The following NRXN1 variants were observed in gnomAD, a reference collection of about 807,000 sequenced individuals.
NRXN1 encodes the protein neurexin-1.
NRXN1 carries 39 observed loss-of-function variants against 150.9 expected under a neutral mutation model. The ratio of observed to expected loss-of-function variants is 0.26; its 90% CI spans 0.20 to 0.34. The LOEUF (loss-of-function observed/expected upper bound fraction) is 0.34. Ranked by LOEUF, NRXN1 falls within the 10% of genes least tolerant of loss-of-function variation. The pLI, the probability that NRXN1 is intolerant of heterozygous loss-of-function variation, is 1.00. For synonymous variants in NRXN1, 924 were observed against 757.0 expected (o/e 1.22, Z -3.62); for missense variants, 1,815 against 1,949.9 (o/e 0.93, Z 1.30).
intron 18 of NRXN1, among the ~76,000 whole-genome samples, chr2:50,183,649 T>A (rs2060882011): frequency 6.6e-6 from 1 of 150,518 alleles, no homozygotes; most frequent in African/African-American, 2.4e-5. Context: ...TCTAAAAGTG[T>A]TTCTGTTTGT....
chr2:50,200,004 T>C (rs573416418), intron 18 of NRXN1, among the ~76,000 whole-genome samples: 2 of 152,286 alleles, frequency 1.3e-5, no homozygotes, highest in African/African-American at 4.8e-5. Flanking sequence ...AGAGATTAGA[T>C]GACAGAGTAA....
intron 5 of NRXN1, among the ~76,000 whole-genome samples, chr2:50,866,840 G>A (rs1677007050): frequency 6.6e-6 from 1 of 151,834 alleles, no homozygotes; most frequent in African/African-American, 2.4e-5. Context: ...CAAAAACTGG[G>A]TTATAATTCA....
At chr2:50,528,704 C>T in intron 11 of NRXN1, 53 bp from the exon 12 acceptor site, 1 of 1,136,408 alleles carries the variant, frequency 8.8e-7, no homozygotes, top group Non-Finnish European at 1.3e-6. Context: ...AAGGTAATAG[C>T]TGCAGACATC....
At chr2:50,580,177 A>G (rs1672040205) in intron 8 of NRXN1, among the ~76,000 whole-genome samples, 1 of 152,218 alleles carries the variant, frequency 6.6e-6, no homozygotes, top group Admixed American at 6.5e-5. Context: ...CATATTTTAA[A>G]AGAAAACAGA....
intron 5 of NRXN1, among the ~76,000 whole-genome samples, chr2:50,689,854 TTGTGTGTGTGTGTGTGTGTG>T (rs796892350): frequency 0.011 from 1,508 of 135,340 alleles, 23 homozygotes; most frequent in African/African-American, 0.038. Flanking sequence ...TTTTGCTTAT[TTGTGTGTGTGTGTGTGTGTG>T]TGTGTGTGTG....
rs558843723 is a variant in NRXN1 at position 50,095,830 on chromosome 2, A to C, written c.3547-4336T>G. Among the ~76,000 whole-genome samples the C allele has an allele frequency of 1.7e-3, 260 of 151,526 alleles. 1 individual carries two copies. The highest frequency in any genetic ancestry group is 5.5e-3 in the African/African-American group (229 of 41,276). On this transcript the variant is annotated intron_variant, in intron 18 of 22. Transcript: ENST00000401669. ...ACTTTAATTTCTAGGGTACATGTGC[A>C]CAACGTGCAGGTTTGTTACATATGT... is the stretch of plus-strand genomic sequence containing the variant.
chr2:50,669,197 T>G (rs1169240803), intron 5 of NRXN1, among the ~76,000 whole-genome samples: 1 of 151,938 alleles, frequency 6.6e-6, no homozygotes, highest in Non-Finnish European at 1.5e-5. Flanking sequence ...CAGTCTTACT[T>G]TAGTTCGACC....
chr2:50,561,145 T>C (rs576750647), intron 8 of NRXN1, among the ~76,000 whole-genome samples: 2 of 152,216 alleles, frequency 1.3e-5, no homozygotes, highest in South Asian at 4.1e-4. Context: ...CAGCATTCAG[T>C]GAACTGCTTA....
At chr2:49,934,369 C>G (rs1670646229) in intron 22 of NRXN1, among the ~76,000 whole-genome samples, 1 of 152,152 alleles carries the variant, frequency 6.6e-6, no homozygotes, top group African/African-American at 2.4e-5. Context: ...GGTGCACCCA[C>G]CCCTCCACCA....
intron 16 of NRXN1, among the ~76,000 whole-genome samples, chr2:50,469,861 A>G (rs1412239278): frequency 6.6e-6 from 1 of 151,228 alleles, no homozygotes; most frequent in African/African-American, 2.4e-5. Context: ...CAAATGTTCA[A>G]ATAATAGTTT....
Position 50,620,203 on chromosome 2 carries a change from G to A in NRXN1, c.1159-20C>T. On this transcript the variant is annotated intron_variant, in intron 7 of 22. Coordinates refer to ENST00000401669, the MANE Select transcript of NRXN1 (RefSeq NM_001330078.2). The stretch of plus-strand genomic sequence containing the variant: ...TGTCACCTAGATAACAAAGCACAGG[G>A]AAAGGACACGCTATACTCAGACCTA... 6.2e-7 allele frequency: 1 copy of A among 1,612,132 alleles called. No homozygotes were observed. The highest frequency in any genetic ancestry group is 8.5e-7 in the Non-Finnish European group (1 of 1,178,830).
intron 21 of NRXN1, among the ~76,000 whole-genome samples, chr2:49,966,958 T>C (rs1251896853): frequency 6.6e-6 from 1 of 152,116 alleles, no homozygotes; most frequent in African/African-American, 2.4e-5. Context: ...TTGTTTTTAC[T>C]CCTAAAATAT....
chr2:50,241,611 G>A (rs1490385230), intron 17 of NRXN1, among the ~76,000 whole-genome samples: 1 of 151,704 alleles, frequency 6.6e-6, no homozygotes, highest in African/African-American at 2.4e-5. Flanking sequence ...TAACAAAGCT[G>A]GCTCTATCAG....
At chr2:49,976,715 T>G (rs1679061621) in intron 21 of NRXN1, among the ~76,000 whole-genome samples, 1 of 152,166 alleles carries the variant, frequency 6.6e-6, no homozygotes, top group Middle Eastern at 3.2e-3. Context: ...CATATCAACT[T>G]GAAGTTCTTT....
At chr2:50,026,859 C>CTTTTT (rs57580154) in intron 21 of NRXN1, among the ~76,000 whole-genome samples, 1,195 of 65,214 alleles carry the variant, frequency 0.018, 244 homozygotes, top group East Asian at 0.028. Flanking sequence ...CTTTTCTTTT[C>CTTTTT]TTTTTTTTTT....
intron 22 of NRXN1, among the ~76,000 whole-genome samples, chr2:49,934,700 A>T (rs1023061570): frequency 6.6e-6 from 1 of 152,120 alleles, no homozygotes; most frequent in Non-Finnish European, 1.5e-5. Context: ...TGTGCCTGGT[A>T]AGTCATGCTG....
At chr2:50,108,150 C>G (rs1701922124) in intron 18 of NRXN1, among the ~76,000 whole-genome samples, 1 of 151,986 alleles carries the variant, frequency 6.6e-6, no homozygotes, top group African/African-American at 2.4e-5. Flanking sequence ...AAAAGTATAA[C>G]TCCCCTCTAA....
intron 5 of NRXN1, among the ~76,000 whole-genome samples, chr2:50,837,911 C>G (rs1230477091): frequency 6.6e-6 from 1 of 152,070 alleles, no homozygotes; most frequent in Non-Finnish European, 1.5e-5. Context: ...TATGAATCCA[C>G]AGTGAGCTGA....
At chr2:49,960,400 G>C (rs1675724256) in intron 21 of NRXN1, among the ~76,000 whole-genome samples, 1 of 152,104 alleles carries the variant, frequency 6.6e-6, no homozygotes, top group Non-Finnish European at 1.5e-5. Flanking sequence ...CACCAGTGTG[G>C]CTGCTCTAAG....
Sources: gnomAD v4.1 joint callset for allele counts (sites outside exome capture counted in the v4.1 genomes callset) on GRCh38, gnomAD v4.1.1 for gene constraint, MANE v1.5 for transcripts, NCBI Gene and HGNC (gene_info 2026-07-23, HGNC 2026-07-21) for gene names.